The following TTBK2 variants were observed in gnomAD, a reference collection of about 807,000 sequenced individuals.
TTBK2 encodes the protein tau-tubulin kinase 2.
A neutral mutation model predicts 110.8 loss-of-function variants in TTBK2; 28 were observed. The ratio of observed to expected loss-of-function variants is 0.25; its 90% CI spans 0.19 to 0.35. The LOEUF (loss-of-function observed/expected upper bound fraction) is 0.35. Ranked by LOEUF, TTBK2 falls within the 10% of genes least tolerant of loss-of-function variation. The probability of loss-of-function intolerance (pLI) is 1.00; values close to 1 mark genes in which losing one functional copy is unlikely to be tolerated. For synonymous variants in TTBK2, 532 were observed against 527.3 expected, an observed-to-expected ratio of 1.01 and a Z score of -0.12; for missense variants, 1,369 against 1,500.3, an observed-to-expected ratio of 0.91 and a Z score of 1.45.
At chr15:42,801,225 C>T (rs774515149) in intron 9 of TTBK2, 2 of 1,542,886 alleles carry the variant, frequency 1.3e-6, no homozygotes, top group Non-Finnish European at 1.8e-6. Flanking sequence ...GCTCTCCTCG[C>T]CCTCCAACAG....
intron 10 of TTBK2, among the ~76,000 whole-genome samples, chr15:42,785,023 T>C (rs947810068): frequency 1.8e-4 from 27 of 152,204 alleles, no homozygotes; most frequent in African/African-American, 6.5e-4. Context: ...TAATCAACTT[T>C]CGCAGTGCCA....
At chr15:42,821,074 T>C (rs1017169103) in intron 6 of TTBK2, among the ~76,000 whole-genome samples, 6 of 151,910 alleles carry the variant, frequency 3.9e-5, no homozygotes, top group Admixed American at 2.0e-4. Flanking sequence ...AAGTTCTATA[T>C]ACTAACATGG....
chr15:42,872,878 T>A, intron 2 of TTBK2, 120 bp from the exon 3 acceptor site: 2 of 1,205,532 alleles, frequency 1.7e-6, no homozygotes, highest in Non-Finnish European at 2.3e-6. Flanking sequence ...ATAAAATATT[T>A]AAATATTGTT....
At position 42,752,791 on chromosome 15, in the gene TTBK2, T is replaced by C. The variant is rs1267597441; in HGVS notation, c.2455A>G (p.Thr819Ala). ...TTTGTCACATCAAGAGGTTCAGTAG[T>C]AGCTGAGTGATCCTTTTCCACAATT... ...LVIVEKDHSA[T>A]TEPLDVTKTQ... is the part of the protein sequence containing the mutation. Residue 819 changes from threonine (T) to alanine (A), a missense_variant, in exon 14 of 15, where the codon ACT (threonine) becomes GCT (alanine). By Grantham distance (58) the Thr-to-Ala change is moderately conservative (BLOSUM62 0). Around this residue, in one of 4 missense-constraint regions of TTBK2, gnomAD observed 1,097 missense variants for 1,114.7 expected, o/e 0.98. Coordinates refer to ENST00000267890, the MANE Select transcript of TTBK2 (RefSeq NM_173500.4). 2.5e-6 allele frequency: 4 copies of C among 1,614,184 alleles called. No homozygotes were observed. Among genetic ancestry groups the C allele is most frequent in the Non-Finnish European group, 8.5e-7 (1 of 1,180,022 alleles).
intron 6 of TTBK2, among the ~76,000 whole-genome samples, chr15:42,826,982 G>C (rs568296036): frequency 1.3e-5 from 2 of 152,162 alleles, no homozygotes; most frequent in African/African-American, 4.8e-5. Context: ...CTTCAGAAAT[G>C]ATTCCATTTT....
rs1894670295 is a variant in TTBK2 at position 42,872,901 on chromosome 15, T to C, written c.70-143A>G. 4 of 1,054,954 alleles carry C rather than the reference T, an allele frequency of 3.8e-6. No individual in the cohort carries two copies. The South Asian group carries it at 5.6e-5, about 15-fold the overall frequency. The allele number at this position is 1,054,954 out of a possible 1,614,324, so 65.3% of individuals were successfully genotyped here. On this transcript the variant is annotated intron_variant, in intron 2 of 14. Transcript: ENST00000267890. ...TTTAAATATTGTTAAATTAACTATG[T>C]ATATGCCAAGAAGAAAACATATGCC...
intron 4 of TTBK2, among the ~76,000 whole-genome samples, chr15:42,835,895 T>C (rs1892966522): frequency 6.6e-6 from 1 of 152,212 alleles, no homozygotes; most frequent in Non-Finnish European, 1.5e-5. Flanking sequence ...AGTAGATGGG[T>C]GTAAATTATA....
chr15:42,889,568 TA>T (rs1895372980), intron 1 of TTBK2, among the ~76,000 whole-genome samples: 1 of 152,208 alleles, frequency 6.6e-6, no homozygotes, highest in African/African-American at 2.4e-5. Context: ...ACCAAGCAAG[TA>T]ATTACGCTAA....
chr15:42,800,926 C>T, intron 9 of TTBK2: 1 of 708,726 alleles, frequency 1.4e-6, no homozygotes, highest in East Asian at 2.5e-5. Context: ...CTCCTAGGCT[C>T]TGCGGCAGCC....
In TTBK2 at chr15:42,828,015, A is replaced by T. The variant is rs780767870; in HGVS notation, c.450T>A (p.Gly150=). Residue 150 remains glycine, a synonymous_variant, in exon 6 of 15, where the codon GGT becomes GGA. Transcript: ENST00000267890. ...RDIKPSNFAM[G]RFPSTCRKCY... is the part of the protein sequence containing the mutation. ...ATTTCCTACATGTACTAGGAAAGCG[A>T]CCCATAGCGAAGTTCGACTAGAAAA... 10 of 1,613,324 alleles carry T rather than the reference A, an allele frequency of 6.2e-6. No individual in the cohort carries two copies. The Admixed American group carries it at 1.5e-4, about 24-fold the overall frequency.
chr15:42,866,147 A>T (rs1233472391), intron 3 of TTBK2, among the ~76,000 whole-genome samples: 1 of 152,064 alleles, frequency 6.6e-6, no homozygotes, highest in Non-Finnish European at 1.5e-5. Flanking sequence ...AGTATAAAGA[A>T]GGGCATCATA....
At chr15:42,874,055 G>A (rs1487969532) in intron 2 of TTBK2, among the ~76,000 whole-genome samples, 1 of 152,096 alleles carries the variant, frequency 6.6e-6, no homozygotes, top group Admixed American at 6.5e-5. Context: ...GATAGCACTT[G>A]TATTATTGCC....
chr15:42,892,306 A>G (rs1273971888), intron 1 of TTBK2, among the ~76,000 whole-genome samples: 1 of 152,174 alleles, frequency 6.6e-6, no homozygotes, highest in East Asian at 1.9e-4. Context: ...ATGCTCATTC[A>G]TTTATATGTT....
At chr15:42,817,181 G>T in intron 6 of TTBK2, 84 bp from the exon 7 acceptor site, 1 of 1,079,168 alleles carries the variant, frequency 9.3e-7, no homozygotes, top group East Asian at 3.3e-5. Context: ...GTAAATGGAA[G>T]AAACACGTCC....
chr15:42,912,356 G>T (rs1160271569), intron 1 of TTBK2, among the ~76,000 whole-genome samples: 1 of 152,100 alleles, frequency 6.6e-6, no homozygotes, highest in African/African-American at 2.4e-5. Flanking sequence ...CATTTAGGAG[G>T]GAAACTAGAT....
At chr15:42,899,024 G>A (rs545963139) in intron 1 of TTBK2, among the ~76,000 whole-genome samples, 29 of 152,068 alleles carry the variant, frequency 1.9e-4, no homozygotes, top group East Asian at 7.7e-4. Flanking sequence ...AGAGGGTCTC[G>A]CCCTGTCACC....
intron 9 of TTBK2, among the ~76,000 whole-genome samples, chr15:42,797,642 G>A (rs921866301): frequency 1.3e-5 from 2 of 152,112 alleles, no homozygotes; most frequent in East Asian, 3.9e-4. Flanking sequence ...ACAAGTCAGG[G>A]ACTTACTTTT....
chr15:42,773,101 G>A (rs146635088), intron 13 of TTBK2, among the ~76,000 whole-genome samples: 3 of 152,184 alleles, frequency 2.0e-5, no homozygotes, highest in East Asian at 1.9e-4. Flanking sequence ...GACTTGGGAC[G>A]CTGGCATGGG....
chr15:42,808,698 A>T (rs1405662633), intron 9 of TTBK2, among the ~76,000 whole-genome samples: 2 of 151,834 alleles, frequency 1.3e-5, no homozygotes, highest in East Asian at 1.9e-4. Context: ...AAAAAAATAA[A>T]AAAAAAAAGC....
Sources: allele counts gnomAD v4.1 joint callset (sites outside exome capture counted in the v4.1 genomes callset), GRCh38; gene constraint gnomAD v4.1.1; regional missense constraint gnomAD v4.1.1; transcripts MANE v1.5; gene names NCBI Gene and HGNC (gene_info 2026-07-23, HGNC 2026-07-21).